Variants in ABL1 observed in about 807,000 individuals in gnomAD.
ABL1 encodes the protein ABL proto-oncogene 1, non-receptor tyrosine kinase, also known as tyrosine-protein kinase ABL1.
Under a neutral mutation model 94.7 loss-of-function variants are expected in ABL1, and 11 were observed. The observed-to-expected ratio is 0.12, with a 90% CI of 0.07 to 0.19. The LOEUF is 0.19. ABL1 is among the 10% of genes least tolerant of loss of function. The pLI, the probability that ABL1 is intolerant of heterozygous loss-of-function variation, is 1.00. For synonymous variants in ABL1, 656 were observed against 622.4 expected, an observed-to-expected ratio of 1.05 and a Z score of -0.80; for missense variants, 1,082 against 1,489.4, an observed-to-expected ratio of 0.73 and a Z score of 4.50.
chr9:130,771,208 G>A (rs2132767039), intron 1 of ABL1, among the ~76,000 whole-genome samples: 1 of 152,142 alleles, frequency 6.6e-6, no homozygotes, highest in East Asian at 1.9e-4. Flanking sequence ...GAGTTGATAG[G>A]GGCAGCTGTA....
At chr9:130,868,063 A>G (rs1588274823) in intron 4 of ABL1, among the ~76,000 whole-genome samples, 1 of 151,666 alleles carries the variant, frequency 6.6e-6, no homozygotes, top group East Asian at 1.9e-4. Context: ...GGGTTCAAGC[A>G]ATTCTCCTGC....
chr9:130,836,286 C>G (rs891230388), intron 1 of ABL1, among the ~76,000 whole-genome samples: 13 of 152,196 alleles, frequency 8.5e-5, no homozygotes, highest in African/African-American at 3.1e-4. Flanking sequence ...TCTACCTACT[C>G]TCCTTCTCTA....
intron 1 of ABL1, among the ~76,000 whole-genome samples, chr9:130,800,853 G>A (rs1830045134): frequency 6.6e-6 from 1 of 150,960 alleles, no homozygotes; most frequent in Non-Finnish European, 1.5e-5. Flanking sequence ...ATGAACATTT[G>A]TGTATTCACC....
At chr9:130,790,758 G>A (rs1340009290) in intron 1 of ABL1, among the ~76,000 whole-genome samples, 1 of 151,900 alleles carries the variant, frequency 6.6e-6, no homozygotes, top group Non-Finnish European at 1.5e-5. Context: ...ACAAGCATGA[G>A]CCACTGTGTC....
chr9:130,864,333 C>T (rs1831122250), intron 4 of ABL1, among the ~76,000 whole-genome samples: 1 of 152,154 alleles, frequency 6.6e-6, no homozygotes, highest in African/African-American at 2.4e-5. Flanking sequence ...GCAACCTCCG[C>T]CTCCCCAAAT....
At chr9:130,791,156 G>A (rs950876682) in intron 1 of ABL1, among the ~76,000 whole-genome samples, 2 of 152,080 alleles carry the variant, frequency 1.3e-5, no homozygotes, top group African/African-American at 2.4e-5. Context: ...TTAAAAATAG[G>A]AAGAGAGAAA....
At chr9:130,744,423 G>A (rs1831858622) in intron 1 of ABL1, among the ~76,000 whole-genome samples, 1 of 151,624 alleles carries the variant, frequency 6.6e-6, no homozygotes, top group South Asian at 2.1e-4. Context: ...TTACAGGGGT[G>A]AGCCACCACG....
chr9:130,803,713 A>G lies in ABL1; in HGVS notation c.137-50351A>G, dbSNP rs377109990. Among the ~76,000 whole-genome samples the G allele has an allele frequency of 7.3e-4, 111 of 152,238 alleles. 2 individuals are homozygous for G. In the South Asian group the frequency reaches 0.022, roughly 30 times the overall value. On this transcript the variant is annotated intron_variant, in intron 1 of 10. Transcript: ENST00000372348. ...CTTTTTGTATATCATCCATTTGACA[A>G]TTTTCAATAAAAGGTTTATTGAAAA...
chr9:130,758,039 ATGT>A (rs145569751), intron 1 of ABL1, among the ~76,000 whole-genome samples: 2,191 of 152,202 alleles, frequency 0.014, 56 homozygotes, highest in African/African-American at 0.05. Flanking sequence ...CCTTGAAGAG[ATGT>A]TGTTAATAGT....
chr9:130,785,550 T>G (rs1467478717), intron 1 of ABL1, among the ~76,000 whole-genome samples: 2 of 152,120 alleles, frequency 1.3e-5, no homozygotes, highest in African/African-American at 4.8e-5. Context: ...CATAGTAATA[T>G]AGTGGGCTCT....
In ABL1 at chr9:130,796,920, C is replaced by CAAAAAAAAAA. The variant is rs10607745; in HGVS notation, c.137-57132_137-57123dup. 1.7e-3 allele frequency among the ~76,000 whole-genome samples: 103 copies of CAAAAAAAAAA among 60,760 alleles called. 5 individuals carry two copies. Among genetic ancestry groups the CAAAAAAAAAA allele is most frequent in the African/African-American group, 5.5e-3 (97 of 17,516 alleles). The allele number at this position is 60,760 out of a possible 152,430, so 39.9% of individuals were successfully genotyped here. On this transcript the variant is annotated intron_variant, in intron 1 of 10. Coordinates refer to the ABL1 transcript ENST00000372348. ...GGGCAACAAGAGCGAAACTTCATCT[C>CAAAAAAAAAA]AAAAAAAAAAAAAAAAAAAAAGGCA...
intron 1 of ABL1, among the ~76,000 whole-genome samples, chr9:130,803,740 G>A (rs1415533475): frequency 2.0e-5 from 3 of 152,160 alleles, no homozygotes; most frequent in African/African-American, 4.8e-5. Flanking sequence ...TATTGAAAAC[G>A]GAATACATAA....
Position 130,862,672 on chromosome 9 carries a change from T to C in ABL1, c.550-91T>C, listed in dbSNP as rs2132972882. ...GCTCCTTATGTGAGATTTTGCTGTG[T>C]AGTGAATTAAGGCTCAGCCAAACTG... On this transcript the variant is annotated intron_variant, in intron 3 of 10. Coordinates refer to ENST00000318560, the MANE Select transcript of ABL1 (RefSeq NM_005157.6). This position sits in a 1 kb window ranked among gnomAD's most constrained non-coding sequence, Gnocchi z 5.5. The C allele has an allele frequency of 7.0e-7, 1 of 1,422,746 alleles. No homozygotes were observed. 88.1% of individuals were successfully genotyped at this position (1,422,746 alleles called of 1,614,324 possible).
chr9:130,861,181 A>T (rs1021360636), intron 3 of ABL1, among the ~76,000 whole-genome samples: 1 of 152,360 alleles, frequency 6.6e-6, no homozygotes. Context: ...CCCAGGCCAC[A>T]GTCCTTACAC....
chr9:130,766,825 G>A (rs970998348), intron 1 of ABL1, among the ~76,000 whole-genome samples: 1 of 152,144 alleles, frequency 6.6e-6, no homozygotes, highest in African/African-American at 2.4e-5. Flanking sequence ...GTTGCCATCT[G>A]GGTCTGTCCT....
intron 4 of ABL1, among the ~76,000 whole-genome samples, chr9:130,869,418 T>C (rs1228461767): frequency 6.6e-6 from 1 of 152,216 alleles, no homozygotes; most frequent in African/African-American, 2.4e-5. Flanking sequence ...CTTTCTGTTG[T>C]GCAGATGAGA....
At chr9:130,721,956 GTATTTT>G (rs1831520620) in intron 1 of ABL1, among the ~76,000 whole-genome samples, 1 of 149,078 alleles carries the variant, frequency 6.7e-6, no homozygotes, top group African/African-American at 2.5e-5. Flanking sequence ...CTAATTTTTT[GTATTTT>G]TATTAGAGAC....
intron 1 of ABL1, among the ~76,000 whole-genome samples, chr9:130,748,341 A>C (rs937922941): frequency 1.3e-5 from 2 of 152,150 alleles, no homozygotes; most frequent in African/African-American, 2.4e-5. Flanking sequence ...CTTGTCTGTT[A>C]AATTTCTTTA....
At chr9:130,734,411 T>C (rs968240591) in intron 1 of ABL1, among the ~76,000 whole-genome samples, 2 of 150,722 alleles carry the variant, frequency 1.3e-5, no homozygotes, top group Non-Finnish European at 3.0e-5. Flanking sequence ...GAGACAGGGT[T>C]TCACCGTGTT....
Sources: gnomAD v4.1 joint callset for allele counts (sites outside exome capture counted in the v4.1 genomes callset) on GRCh38, gnomAD v4.1.1 for gene constraint, Gnocchi (gnomAD v3.1) non-coding constraint, MANE v1.5 for transcripts, NCBI Gene and HGNC (gene_info 2026-07-23, HGNC 2026-07-21) for gene names.